The following IZUMO1 variants were observed in gnomAD, a reference collection of about 807,000 sequenced individuals.
IZUMO1 encodes the protein izumo sperm-egg fusion protein 1.
Under a neutral mutation model 40.7 loss-of-function variants are expected in IZUMO1, and 44 were observed. That is an observed-to-expected ratio of 1.08 (90% CI 0.85 to 1.39). IZUMO1 has a LOEUF of 1.39. IZUMO1 is among the 40% of genes most tolerant of loss of function. The pLI is 0.00. For synonymous variants in IZUMO1, 149 were observed against 170.9 expected (o/e 0.87, Z 1.00); for missense variants, 368 against 436.9 (o/e 0.84, Z 1.41).
rs746736824 is a variant in IZUMO1 at position 48,746,492 on chromosome 19, T to C, written c.-131A>G. 6.8e-5 allele frequency: 67 copies of C among 986,724 alleles called. No homozygotes were observed. Among genetic ancestry groups the C allele is most frequent in the Non-Finnish European group, 7.9e-5 (66 of 830,848 alleles). The allele number at this position is 986,724 out of a possible 1,614,324, so 61.1% of individuals were successfully genotyped here. On this transcript the variant is annotated 5_prime_UTR_variant, in exon 1 of 10. Coordinates refer to ENST00000332955, the MANE Select transcript of IZUMO1 (RefSeq NM_182575.3). ...TTAAGCGAGACTCCATGCGGTCCTCTAGACCTAGGGGGCCCTTGTTCACCC... is the reference window on the plus strand; with the variant it reads ...TTAAGCGAGACTCCATGCGGTCCTCCAGACCTAGGGGGCCCTTGTTCACCC...
In IZUMO1 at chr19:48,741,784, C is replaced by G; in HGVS notation, c.754+5G>C. On this transcript the variant is annotated splice_donor_5th_base_variant and intron_variant, in intron 8 of 9. Transcript: ENST00000332955. This position sits in a 1 kb window ranked among gnomAD's most constrained non-coding sequence, Gnocchi z 4.4. Reference sequence around the variant, plus strand: ...CTACACTTCTCTCAGCCCCACAGCACTGACCTGTGACGTGAAAATTGATGA... The same window carrying G: ...CTACACTTCTCTCAGCCCCACAGCAGTGACCTGTGACGTGAAAATTGATGA... 6 of 1,575,270 alleles carry G rather than the reference C, an allele frequency of 3.8e-6. No homozygotes were observed. Among genetic ancestry groups the G allele is most frequent in the Non-Finnish European group, 5.2e-6 (6 of 1,155,668 alleles).
At chr19:48,743,421 T>A in intron 6 of IZUMO1, 24 bp downstream of exon 6, 1 of 1,613,190 alleles carries the variant, frequency 6.2e-7, no homozygotes, top group South Asian at 1.1e-5. Flanking sequence ...CACCAATTCC[T>A]CCTGCTGGGT....
rs537501808 is a variant in IZUMO1 at position 48,744,441 on chromosome 19, A to G, written c.397+12T>C. 6 of 1,605,030 alleles carry G rather than the reference A, an allele frequency of 3.7e-6. No homozygotes were observed. The Admixed American group carries it at 8.3e-5, about 22-fold the overall frequency. ...GAGGAGCTGGGGGACACCGACTCCC[A>G]TCTTCTCTCACCCTCTTTTTGGAAT... is the stretch of plus-strand genomic sequence containing the variant. On this transcript the variant is annotated intron_variant, in intron 4 of 9. Coordinates refer to ENST00000332955, the MANE Select transcript of IZUMO1 (RefSeq NM_182575.3).
chr19:48,745,984 A>G, intron 1 of IZUMO1, 52 bp from the exon 2 acceptor site: 1 of 1,489,350 alleles, frequency 6.7e-7, no homozygotes, highest in South Asian at 1.3e-5. Context: ...TGGGCCGCCT[A>G]TCCATGGGGT....
Position 48,741,345 on chromosome 19 carries a change from C to CAGCCAGCAGCA in IZUMO1, c.887_888insTGCTGCTGGCT (p.Leu297AlafsTer5), listed in dbSNP as rs2033683087. 1.2e-6 allele frequency: 2 copies of CAGCCAGCAGCA among 1,611,078 alleles called. No individual in the cohort carries two copies. The highest frequency in any genetic ancestry group is 1.7e-6 in the Non-Finnish European group (2 of 1,179,436). On this transcript the variant is annotated frameshift_variant, in exon 9 of 10. Transcript: ENST00000332955. LOFTEE classifies it low-confidence loss of function (END_TRUNC). This position sits in a 1 kb window ranked among gnomAD's most constrained non-coding sequence, Gnocchi z 4.4. ...TCAGTGCTAGGGAGCCGCAGATCAG[C>CAGCCAGCAGCA]AGCCCCAGAAGGCGGCTTGCCAGCA...
At position 48,745,608 on chromosome 19, in the gene IZUMO1, G is replaced by T. The variant is rs2033862335; in HGVS notation, c.235+17C>A. On this transcript the variant is annotated intron_variant, in intron 2 of 9. Transcript: ENST00000332955. ...CTTTCCCAGGACCCAGGGGTCCGTG[G>T]TCCCCCCTGCCCTCACCAACGACCC... 1.5e-5 allele frequency: 25 copies of T among 1,613,266 alleles called. No homozygotes were observed. Among genetic ancestry groups the T allele is most frequent in the Non-Finnish European group, 2.1e-5 (25 of 1,179,342 alleles).
chr19:48,742,312 G>A lies in IZUMO1; in HGVS notation c.500-3C>T. 2 of 1,602,612 alleles carry A rather than the reference G, an allele frequency of 1.2e-6. No homozygotes were observed. The highest frequency in any genetic ancestry group is 1.7e-6 in the Non-Finnish European group (2 of 1,169,590). On this transcript the variant is annotated splice_polypyrimidine_tract_variant and splice_region_variant and intron_variant, in intron 6 of 9. Coordinates refer to ENST00000332955, the MANE Select transcript of IZUMO1 (RefSeq NM_182575.3). ...TTGAGGAACTTCCACATTCCGCTCT[G>A]GGGGTGGGGGATGACCATGGGACAC...
chr19:48,746,617 G>T lies in IZUMO1; in HGVS notation c.-256C>A. 3 of 985,368 alleles carry T rather than the reference G, an allele frequency of 3.0e-6. No individual in the cohort carries two copies. Among genetic ancestry groups the T allele is most frequent in the South Asian group, 9.4e-5 (2 of 21,266 alleles). 61.0% of individuals were successfully genotyped at this position (985,368 alleles called of 1,614,324 possible). On this transcript the variant is annotated 5_prime_UTR_variant, in exon 1 of 10. Coordinates refer to ENST00000332955, the MANE Select transcript of IZUMO1 (RefSeq NM_182575.3). The stretch of plus-strand genomic sequence containing the variant: ...GAACAGTGATGCACCCTAAACAGCC[G>T]CTCCCCGACCTTGGTTCCCGATTTG...
At chr19:48,746,373 C>A in intron 1 of IZUMO1, 62 bp downstream of exon 1, 1 of 1,002,604 alleles carries the variant, frequency 1.0e-6, no homozygotes. Flanking sequence ...CAATAAACAT[C>A]TAACACAGAC....
At position 48,741,553 on chromosome 19, in the gene IZUMO1, G is replaced by A; in HGVS notation, c.755-75C>T. The A allele has an allele frequency of 6.8e-7, 1 of 1,477,602 alleles. No homozygotes were observed. Among genetic ancestry groups the A allele is most frequent in the Non-Finnish European group, 9.3e-7 (1 of 1,080,884 alleles). The allele number at this position is 1,477,602 out of a possible 1,614,324, so 91.5% of individuals were successfully genotyped here. A position where few individuals can be genotyped will look rare whatever the true frequency, so the allele number is the denominator to read the frequency against. On this transcript the variant is annotated intron_variant, in intron 8 of 9. Transcript: ENST00000332955. This position sits in a 1 kb window ranked among gnomAD's most constrained non-coding sequence, Gnocchi z 4.4. Reference sequence around the variant, plus strand: ...CCCTGGCAAAGACAAGCCCGTCCCAGTAGCCGGCCATCCCAGAGATAATCA... The same window carrying A: ...CCCTGGCAAAGACAAGCCCGTCCCAATAGCCGGCCATCCCAGAGATAATCA...
Position 48,740,949 on chromosome 19 carries a change from G to C in IZUMO1, c.1012C>G (p.Gln338Glu). ...GLGSGAAEQTQVPKEKATDSR... is the reference protein window; with the variant it reads ...GLGSGAAEQTEVPKEKATDSR... Reference sequence around the variant, plus strand: ...TCTGTGGCCTTTTCTTTTGGGACCTGGGTTTGCTCGGCCGCTCCACTGCCA... The same window carrying C: ...TCTGTGGCCTTTTCTTTTGGGACCTCGGTTTGCTCGGCCGCTCCACTGCCA... The change falls in exon 10 of 10, where the codon CAG (glutamine) becomes GAG (glutamate). Residue 338 changes from glutamine to glutamate, a missense_variant. Physicochemically the swap from Gln to Glu is conservative, Grantham distance 29. Coordinates refer to ENST00000332955, the MANE Select transcript of IZUMO1 (RefSeq NM_182575.3). The surrounding 1 kb of genome is among the most constrained non-coding windows in gnomAD (Gnocchi z 5.5). The C allele has an allele frequency of 6.2e-7, 1 of 1,614,078 alleles. No homozygotes were observed. The highest frequency in any genetic ancestry group is 8.5e-7 in the Non-Finnish European group (1 of 1,179,978).
intron 1 of IZUMO1, 152 bp downstream of exon 1, chr19:48,746,283 C>T (rs563859085): frequency 9.7e-7 from 1 of 1,035,892 alleles, no homozygotes; most frequent in East Asian, 8.1e-5. Flanking sequence ...AACTCCAACC[C>T]TTAAGAGCAA....
chr19:48,741,462 G>C lies in IZUMO1; in HGVS notation c.771C>G (p.Ile257Met). The C allele has an allele frequency of 6.2e-7, 1 of 1,610,890 alleles. No homozygotes were observed. The highest frequency in any genetic ancestry group is 1.7e-4 in the Middle Eastern group (1 of 5,852). Residue 257 changes from isoleucine (I) to methionine (M), a missense_variant, in exon 9 of 10, where the codon ATC (isoleucine) becomes ATG (methionine). By Grantham distance (10) the Ile-to-Met change is conservative. Transcript: ENST00000332955. The surrounding 1 kb of genome is among the most constrained non-coding windows in gnomAD (Gnocchi z 4.4). Reference sequence around the variant, plus strand: ...TATTTGGAGAAGGTTTTTCCTCCTTGATCATTTTGGGCAACACTGTTAGAG... The same window carrying C: ...TATTTGGAGAAGGTTTTTCCTCCTTCATCATTTTGGGCAACACTGTTAGAG... ...NFHVTVLPKM[I>M]KEEKPSPNIV...
rs945807927 is a variant in IZUMO1 at position 48,741,539 on chromosome 19, A to C, written c.755-61T>G. 7.8e-6 allele frequency: 12 copies of C among 1,534,512 alleles called. No homozygotes were observed. The African/African-American group carries it at 1.1e-4, about 14-fold the overall frequency. On this transcript the variant is annotated intron_variant, in intron 8 of 9. Coordinates refer to ENST00000332955, the MANE Select transcript of IZUMO1 (RefSeq NM_182575.3). The surrounding 1 kb of genome is among the most constrained non-coding windows in gnomAD (Gnocchi z 4.4). ...GCGTGGAGTTCCTGCCCTGGCAAAG[A>C]CAAGCCCGTCCCAGTAGCCGGCCAT...
chr19:48,741,997 G>A lies in IZUMO1; in HGVS notation c.601-55C>T, dbSNP rs1014132126. 6 of 1,550,180 alleles carry A rather than the reference G, an allele frequency of 3.9e-6. No homozygotes were observed. The South Asian group carries it at 4.9e-5, about 13-fold the overall frequency. ...CCTGAGGAATTCAGGGGTTGGGGGA[G>A]TACAGGGGTGAGAAGATCACAGGGC... is the stretch of plus-strand genomic sequence containing the variant. On this transcript the variant is annotated intron_variant, in intron 7 of 9. Transcript: ENST00000332955. The surrounding 1 kb of genome is among the most constrained non-coding windows in gnomAD (Gnocchi z 4.4).
At chr19:48,745,386 T>A in intron 2 of IZUMO1, 98 bp from the exon 3 acceptor site, 12 of 1,164,792 alleles carry the variant, frequency 1.0e-5, no homozygotes, top group Non-Finnish European at 1.5e-5. Flanking sequence ...TGGGCAAAGA[T>A]AGGCCTGGTT....
In IZUMO1 at chr19:48,744,278, G is replaced by C. The variant is rs996332315; in HGVS notation, c.398-83C>G. 4.9e-5 allele frequency: 71 copies of C among 1,438,022 alleles called. No individual in the cohort carries two copies. In the Admixed American group the frequency reaches 1.2e-3, roughly 24 times the overall value. 89.1% of individuals were successfully genotyped at this position (1,438,022 alleles called of 1,614,324 possible). ...ATGAAAGACGATGGAAGAGGGGGTT[G>C]GGGGAAGAGCTGGGCTTTGGGCTTT... On this transcript the variant is annotated intron_variant, in intron 4 of 9. Transcript: ENST00000332955.
At chr19:48,742,062 G>A in intron 7 of IZUMO1, 120 bp from the exon 8 acceptor site, 1 of 1,525,954 alleles carries the variant, frequency 6.6e-7, no homozygotes, top group Non-Finnish European at 8.9e-7. Context: ...TCACTGGTCA[G>A]GGCACGGGGT....
At chr19:48,745,193 C>A (rs748383891) in intron 3 of IZUMO1, 21 bp downstream of exon 3, 1 of 1,604,718 alleles carries the variant, frequency 6.2e-7, no homozygotes, top group South Asian at 1.1e-5. Context: ...TTCGGGACTC[C>A]CACCCCCTTG....
Sources: gnomAD v4.1 joint callset for allele counts on GRCh38, gnomAD v4.1.1 for gene constraint, Gnocchi (gnomAD v3.1) non-coding constraint, MANE v1.5 for transcripts, NCBI Gene and HGNC (gene_info 2026-07-23, HGNC 2026-07-21) for gene names.